Variants in CRMP1 observed in about 807,000 individuals in gnomAD.
CRMP1 encodes collapsin response mediator protein 1.
In CRMP1, 19 loss-of-function variants were observed where a neutral mutation model predicts 68.3. The ratio of observed to expected loss-of-function variants is 0.28; its 90% CI spans 0.19 to 0.41. The LOEUF (loss-of-function observed/expected upper bound fraction) is 0.41, where lower values mean the gene tolerates loss of function less well. Ranked by LOEUF, CRMP1 falls within the 10% of genes least tolerant of loss-of-function variation. The pLI is 1.00. For missense variants in CRMP1, 791 were observed against 967.4 expected, an observed-to-expected ratio of 0.82 and a Z score of 2.42; for synonymous variants, 439 against 399.6, an observed-to-expected ratio of 1.10 and a Z score of -1.18.
At chr4:5,830,529 A>G (rs1245774539) in intron 11 of CRMP1, among the ~76,000 whole-genome samples, 1 of 152,230 alleles carries the variant, frequency 6.6e-6, no homozygotes, top group African/African-American at 2.4e-5. Context: ...GTTTGATAGT[A>G]AATAGTAGGG....
At chr4:5,824,051 A>G (rs1458778645) in intron 13 of CRMP1, among the ~76,000 whole-genome samples, 1 of 152,190 alleles carries the variant, frequency 6.6e-6, no homozygotes, top group Admixed American at 6.5e-5. Flanking sequence ...TGAGAGAACA[A>G]GGGTGAGGAG....
At chr4:5,874,921 G>A (rs571736971) in intron 1 of CRMP1, among the ~76,000 whole-genome samples, 20 of 152,290 alleles carry the variant, frequency 1.3e-4, no homozygotes, top group Admixed American at 3.9e-4. Context: ...GCAGGAAGGC[G>A]TCCTCGCGAA....
At chr4:5,828,279 G>A (rs1345039991) in intron 12 of CRMP1, 3 of 985,134 alleles carry the variant, frequency 3.0e-6, no homozygotes, top group African/African-American at 1.7e-5. Flanking sequence ...AGTTTGCAAA[G>A]CCCTGGAACT....
chr4:5,892,819 C>G lies in CRMP1; in HGVS notation c.151G>C (p.Asp51His). The change falls in exon 1 of 14, where the codon GAC becomes CAC. Residue 51 changes from aspartate (D) to histidine (H), a missense_variant. By Grantham distance (81) the Asp-to-His change is moderately conservative. Transcript: ENST00000324989. This position sits in a 1 kb window ranked among gnomAD's most constrained non-coding sequence, Gnocchi z 8.6. ...GAYENKTIDFDAYSVGRRGSA... is the reference protein window; with the variant it reads ...GAYENKTIDFHAYSVGRRGSA... The stretch of plus-strand genomic sequence containing the variant: ...CCGCGGCGGCCCACACTGTAGGCGT[C>G]GAAGTCGATGGTCTTGTTCTCGTAG... The G allele has an allele frequency of 1.4e-6, 2 of 1,400,582 alleles. No homozygotes were observed. Among genetic ancestry groups the G allele is most frequent in the Non-Finnish European group, 1.9e-6 (2 of 1,064,792 alleles). 86.8% of individuals were successfully genotyped at this position (1,400,582 alleles called of 1,614,324 possible). A position where few individuals can be genotyped will look rare whatever the true frequency, so the allele number is the denominator to read the frequency against.
chr4:5,835,793 GTCAGGCTAGATATCAGA>G, intron 11 of CRMP1, 105 bp downstream of exon 11: 1 of 1,165,206 alleles, frequency 8.6e-7, no homozygotes, highest in Non-Finnish European at 1.1e-6. Flanking sequence ...GAATGACTGA[GTCAGGCTAGATATCAGA>G]TCACATCCTA....
rs977405333 is a variant in CRMP1, at chr4:5,834,644, G to A, written c.1623+1271C>T. ...TCTCACTGGCAAGACCCTCTCAGAC[G>A]CTCTCCCATTGCCTCTCCTATGTGC... On this transcript the variant is annotated intron_variant, in intron 11 of 13. Coordinates refer to ENST00000324989, the MANE Select transcript of CRMP1 (RefSeq NM_001014809.3). This position sits in a 1 kb window ranked among gnomAD's most constrained non-coding sequence, Gnocchi z 4.3. Among the ~76,000 whole-genome samples, 1 of 152,148 alleles carries A rather than the reference G, an allele frequency of 6.6e-6. No individual in the cohort carries two copies. Among genetic ancestry groups the A allele is most frequent in the African/African-American group, 2.4e-5 (1 of 41,422 alleles).
chr4:5,837,678 T>TAAATAAAATAAAATAAAATA (rs1553904006), intron 9 of CRMP1, among the ~76,000 whole-genome samples: 20 of 126,280 alleles, frequency 1.6e-4, no homozygotes, highest in South Asian at 1.5e-3. Context: ...TAAAATAAAA[T>TAAATAAAATAAAATAAAATA]AAATAAAATA....
Position 5,865,055 on chromosome 4 carries a change from C to A in CRMP1, c.470+1613G>T, listed in dbSNP as rs1713886403. Among the ~76,000 whole-genome samples, 1 of 151,336 alleles carries A rather than the reference C, an allele frequency of 6.6e-6. No homozygotes were observed. Among genetic ancestry groups the A allele is most frequent in the East Asian group, 1.9e-4 (1 of 5,140 alleles). On this transcript the variant is annotated intron_variant, in intron 2 of 13. Transcript: ENST00000324989. The surrounding 1 kb of genome is among the most constrained non-coding windows in gnomAD (Gnocchi z 4.1). Reference sequence around the variant, plus strand: ...TTTCAATGCCCCCAATACTCCACAGCCCCTTTCCCCCAGCCTCCTCCTCCT... The same window carrying A: ...TTTCAATGCCCCCAATACTCCACAGACCCTTTCCCCCAGCCTCCTCCTCCT...
rs1713261013 is a variant in CRMP1, at chr4:5,858,025, T to G, written c.656-1718A>C. 6.6e-6 allele frequency among the ~76,000 whole-genome samples: 1 copy of G among 152,078 alleles called. No individual in the cohort carries two copies. The highest frequency in any genetic ancestry group is 2.1e-4 in the South Asian group (1 of 4,812). ...CCTCCATCCACTTAAAGCATCAGGC[T>G]TTGCTAATATGACCCTCACATCTCT... On this transcript the variant is annotated intron_variant, in intron 3 of 13. Transcript: ENST00000324989. The surrounding 1 kb of genome is among the most constrained non-coding windows in gnomAD (Gnocchi z 5.5).
intron 11 of CRMP1, among the ~76,000 whole-genome samples, chr4:5,831,062 C>CCT (rs1720349263): frequency 6.6e-6 from 1 of 152,158 alleles, no homozygotes; most frequent in Non-Finnish European, 1.5e-5. Context: ...AATCCTCCTG[C>CCT]CTCAGCCTCT....
intron 11 of CRMP1, among the ~76,000 whole-genome samples, chr4:5,830,196 ATTC>A (rs920610272): frequency 3.3e-5 from 5 of 152,172 alleles, no homozygotes; most frequent in African/African-American, 4.8e-5. Context: ...GGGTCTTGGC[ATTC>A]TTCTTACTGA....
chr4:5,824,816 T>G (rs1719284420), intron 13 of CRMP1: 2 of 985,238 alleles, frequency 2.0e-6, no homozygotes, highest in Non-Finnish European at 2.4e-6. Flanking sequence ...AAAATTCCAG[T>G]TCAACTTTCT....
chr4:5,892,765 G>T lies in CRMP1; in HGVS notation c.205C>A (p.Arg69=). 1 of 1,259,344 alleles carries T rather than the reference G, an allele frequency of 7.9e-7. No homozygotes were observed. Among genetic ancestry groups the T allele is most frequent in the South Asian group, 2.7e-5 (1 of 36,392 alleles). 78.0% of individuals were successfully genotyped at this position (1,259,344 alleles called of 1,614,324 possible). The change falls in exon 1 of 14, where the codon CGG becomes AGG. Residue 69 remains arginine (R), a synonymous_variant. Coordinates refer to ENST00000324989, the MANE Select transcript of CRMP1 (RefSeq NM_001014809.3). This position sits in a 1 kb window ranked among gnomAD's most constrained non-coding sequence, Gnocchi z 8.6. Reference sequence around the variant, plus strand: ...CCTGGCAGCCCGACCGCGTCGGGCCGGCCAGCGCTGCGCGGCGTGCGCGCC... The same window carrying T: ...CCTGGCAGCCCGACCGCGTCGGGCCTGCCAGCGCTGCGCGGCGTGCGCGCC... ...GSARTPRSAG[R]PDAVGLPGPG... is the part of the protein sequence containing the mutation.
At chr4:5,887,037 G>A (rs567863261) in intron 1 of CRMP1, among the ~76,000 whole-genome samples, 8 of 152,290 alleles carry the variant, frequency 5.3e-5, no homozygotes, top group African/African-American at 1.9e-4. Context: ...GACAGTGCAG[G>A]GGAGGCAGGG....
chr4:5,878,922 T>C (rs1229733523), intron 1 of CRMP1, among the ~76,000 whole-genome samples: 1 of 152,108 alleles, frequency 6.6e-6, no homozygotes, highest in Admixed American at 6.5e-5. Context: ...TCTTGTTGCA[T>C]CTACTCTGGA....
chr4:5,883,874 C>T lies in CRMP1; in HGVS notation c.381+8715G>A, dbSNP rs549890863. 1.1e-4 allele frequency among the ~76,000 whole-genome samples: 16 copies of T among 152,326 alleles called. No individual in the cohort carries two copies. The highest frequency in any genetic ancestry group is 1.7e-4 in the African/African-American group (7 of 41,574). ...GTTTATTAGAAGAAATGGGCATTCACGGTTAAGGTGGTATAGTTACGTCAC... is the reference window on the plus strand; with the variant it reads ...GTTTATTAGAAGAAATGGGCATTCATGGTTAAGGTGGTATAGTTACGTCAC... On this transcript the variant is annotated intron_variant, in intron 1 of 13. Transcript: ENST00000324989. This position sits in a 1 kb window ranked among gnomAD's most constrained non-coding sequence, Gnocchi z 4.5.
At chr4:5,873,499 G>A (rs1007498589) in intron 1 of CRMP1, among the ~76,000 whole-genome samples, 1 of 152,002 alleles carries the variant, frequency 6.6e-6, no homozygotes. Flanking sequence ...TTACAATCAT[G>A]GCTGAAGGCA....
chr4:5,862,501 G>A (rs902727751), intron 2 of CRMP1, among the ~76,000 whole-genome samples: 1 of 152,206 alleles, frequency 6.6e-6, no homozygotes, highest in African/African-American at 2.4e-5. Flanking sequence ...GGGTTGGGAA[G>A]ACACTCGACC....
Position 5,888,158 on chromosome 4 carries a change from G to T in CRMP1, c.381+4431C>A. ...GCCCCTGCCGGCGCCCCGTGGATCT[G>T]GACCCTGCCGGGCGCCCACTCCCAG... On this transcript the variant is annotated intron_variant, in intron 1 of 13. Coordinates refer to ENST00000324989, the MANE Select transcript of CRMP1 (RefSeq NM_001014809.3). The surrounding 1 kb of genome is among the most constrained non-coding windows in gnomAD (Gnocchi z 6.4). 1 of 1,232,130 alleles carries T rather than the reference G, an allele frequency of 8.1e-7. No individual in the cohort carries two copies. The highest frequency in any genetic ancestry group is 4.0e-5 in the South Asian group (1 of 25,150). The allele number at this position is 1,232,130 out of a possible 1,614,324, so 76.3% of individuals were successfully genotyped here.
Sources: gnomAD v4.1 joint callset for allele counts (sites outside exome capture counted in the v4.1 genomes callset) on GRCh38, gnomAD v4.1.1 for gene constraint, Gnocchi (gnomAD v3.1) non-coding constraint, MANE v1.5 for transcripts, NCBI Gene and HGNC (gene_info 2026-07-23, HGNC 2026-07-21) for gene names.